The following PCDH9 variants were observed in gnomAD, a reference collection of about 807,000 sequenced individuals.
PCDH9 encodes the protein protocadherin 9.
In PCDH9, 24 loss-of-function variants were observed where a neutral mutation model predicts 70.6. That is an observed-to-expected ratio of 0.34 (90% CI 0.25 to 0.48). The LOEUF is 0.48. Among genes scored for constraint, PCDH9 ranks in the 20% least tolerant of loss-of-function variants. The pLI is 0.99. For missense variants in PCDH9, 1,281 were observed against 1,503.6 expected (o/e 0.85, Z 2.45); for synonymous variants, 562 against 558.5 (o/e 1.01, Z -0.09).
chr13:66,875,616 T>C (rs544754408), intron 3 of PCDH9, among the ~76,000 whole-genome samples: 16 of 152,346 alleles, frequency 1.1e-4, no homozygotes, highest in African/African-American at 3.6e-4. Flanking sequence ...TATTTTTAAA[T>C]GTCAACCAAG....
chr13:67,074,155 A>G (rs1245947419), intron 2 of PCDH9, among the ~76,000 whole-genome samples: 1 of 151,916 alleles, frequency 6.6e-6, no homozygotes, highest in Non-Finnish European at 1.5e-5. Context: ...CTATAGACTG[A>G]ATGTGTTCTC....
intron 2 of PCDH9, among the ~76,000 whole-genome samples, chr13:67,000,775 G>T (rs374858314): frequency 1.1e-4 from 16 of 152,132 alleles, no homozygotes; most frequent in Admixed American, 7.9e-4. Context: ...CTAAAAAGGG[G>T]ATTTCCAGAT....
intron 3 of PCDH9, chr13:66,825,147 C>T (rs2139391363): frequency 6.6e-6 from 1 of 151,366 alleles, no homozygotes; most frequent in Admixed American, 6.6e-5. Context: ...CTAGAATGTT[C>T]TCATTTTATT....
At chr13:66,657,730 G>C (rs1056350272) in intron 3 of PCDH9, among the ~76,000 whole-genome samples, 5 of 152,110 alleles carry the variant, frequency 3.3e-5, no homozygotes, top group Non-Finnish European at 7.4e-5. Context: ...ATGGAGCAGG[G>C]AACAACATCC....
At chr13:66,567,242 T>C (rs2076666265) in intron 4 of PCDH9, among the ~76,000 whole-genome samples, 1 of 152,156 alleles carries the variant, frequency 6.6e-6, no homozygotes. Context: ...TATCTGCTTT[T>C]TTCCCAAGGA....
At chr13:67,099,391 A>T (rs1339765488) in intron 2 of PCDH9, among the ~76,000 whole-genome samples, 1 of 152,220 alleles carries the variant, frequency 6.6e-6, no homozygotes, top group Non-Finnish European at 1.5e-5. Context: ...CAATTTGTAA[A>T]TATGCAAATT....
intron 4 of PCDH9, among the ~76,000 whole-genome samples, chr13:66,545,833 A>ATTTTAT (rs141704175): frequency 4.9e-3 from 122 of 25,028 alleles, no homozygotes; most frequent in African/African-American, 9.4e-3. Context: ...ATTTTATTTT[A>ATTTTAT]TTTATTTATT....
At chr13:66,913,239 T>C (rs1205247315) in intron 2 of PCDH9, among the ~76,000 whole-genome samples, 1 of 152,034 alleles carries the variant, frequency 6.6e-6, no homozygotes, top group Non-Finnish European at 1.5e-5. Context: ...AGAGTATAGA[T>C]CCATAGAGAA....
intron 3 of PCDH9, among the ~76,000 whole-genome samples, chr13:66,727,588 A>C (rs2139166816): frequency 6.6e-6 from 1 of 152,212 alleles, no homozygotes; most frequent in Non-Finnish European, 1.5e-5. Flanking sequence ...AAATATTACT[A>C]TGTTTGTGTG....
chr13:66,642,180 T>C (rs1018933663), intron 3 of PCDH9, among the ~76,000 whole-genome samples: 1 of 152,120 alleles, frequency 6.6e-6, no homozygotes, highest in African/African-American at 2.4e-5. Flanking sequence ...GTGGAATTTA[T>C]ATTTTTAGAC....
chr13:66,388,860 C>T (rs1956973611), intron 4 of PCDH9, among the ~76,000 whole-genome samples: 1 of 152,102 alleles, frequency 6.6e-6, no homozygotes, highest in Admixed American at 6.5e-5. Flanking sequence ...AGAATATGTA[C>T]ACAGTAGGTC....
intron 2 of PCDH9, chr13:67,211,600 C>T (rs768343365): frequency 9.9e-5 from 15 of 151,704 alleles, no homozygotes; most frequent in South Asian, 2.1e-4. Flanking sequence ...CTGTAATAGC[C>T]GAATTATGAC....
intron 4 of PCDH9, among the ~76,000 whole-genome samples, chr13:66,326,175 A>C (rs1005979071): frequency 6.6e-6 from 1 of 152,114 alleles, no homozygotes; most frequent in Non-Finnish European, 1.5e-5. Flanking sequence ...TTACGTCTTT[A>C]TATGGCTTAA....
At chr13:66,426,810 AT>A (rs1158721831) in intron 4 of PCDH9, among the ~76,000 whole-genome samples, 1 of 151,516 alleles carries the variant, frequency 6.6e-6, no homozygotes, top group Non-Finnish European at 1.5e-5. Context: ...AGATATAGAT[AT>A]TTTTTCTTTT....
At chr13:66,849,846 G>A (rs1471729577) in intron 3 of PCDH9, among the ~76,000 whole-genome samples, 1 of 152,104 alleles carries the variant, frequency 6.6e-6, no homozygotes, top group Non-Finnish European at 1.5e-5. Context: ...AACAGACATT[G>A]CTGAGAACGA....
Position 67,227,413 on chromosome 13 carries a change from G to A in PCDH9, c.1028C>T (p.Thr343Met), listed in dbSNP as rs141436710. 1.2e-5 allele frequency: 19 copies of A among 1,613,626 alleles called. No homozygotes were observed. The highest frequency in any genetic ancestry group is 1.6e-4 in the Middle Eastern group (1 of 6,084). The change falls in exon 2 of 5, where the codon ACG becomes ATG. Residue 343 changes from threonine to methionine, a missense_variant. By Grantham distance (81) the Thr-to-Met change is moderately conservative (BLOSUM62 -1). This residue lies in a region of PCDH9 where 798 missense variants were observed against 1,003.1 expected (regional missense o/e 0.80). Coordinates refer to ENST00000377865, the MANE Select transcript of PCDH9 (RefSeq NM_203487.3). This position sits in a 1 kb window ranked among gnomAD's most constrained non-coding sequence, Gnocchi z 4.6. The stretch of plus-strand genomic sequence containing the variant: ...TACATCGGTGACATTGATGGTAACC[G>A]TTGCTCGAGCAGGAGTGGAGCTGCC... ...SDGSSTPARA[T>M]VTINVTDVND...
chr13:66,847,805 T>C (rs145211914), intron 3 of PCDH9, among the ~76,000 whole-genome samples: 2 of 152,244 alleles, frequency 1.3e-5, no homozygotes, highest in East Asian at 1.9e-4. Flanking sequence ...AGACAGAAGA[T>C]GCACAGGCCA....
chr13:66,434,366 A>C (rs1957829537), intron 4 of PCDH9, among the ~76,000 whole-genome samples: 1 of 152,010 alleles, frequency 6.6e-6, no homozygotes, highest in African/African-American at 2.4e-5. Flanking sequence ...CAGTCTTTAG[A>C]AAGTAAGTTC....
At chr13:66,674,409 T>C (rs755134202) in intron 3 of PCDH9, among the ~76,000 whole-genome samples, 2 of 146,020 alleles carry the variant, frequency 1.4e-5, no homozygotes, top group Non-Finnish European at 3.0e-5. Flanking sequence ...ACTTCCACTT[T>C]ATACTGTATT....
Sources: gnomAD v4.1 joint callset for allele counts (sites outside exome capture counted in the v4.1 genomes callset) on GRCh38, gnomAD v4.1.1 for gene constraint, gnomAD v4.1.1 regional missense constraint, Gnocchi (gnomAD v3.1) non-coding constraint, MANE v1.5 for transcripts, NCBI Gene and HGNC (gene_info 2026-07-23, HGNC 2026-07-21) for gene names.